The following RBMS3 variants were observed in gnomAD, a reference collection of about 807,000 sequenced individuals.
The protein encoded by RBMS3 is RNA binding motif single stranded interacting protein 3, also known as RNA-binding motif, single-stranded-interacting protein 3.
Under a neutral mutation model 66.8 loss-of-function variants are expected in RBMS3, and 27 were observed. The ratio of observed to expected loss-of-function variants is 0.40; its 90% CI spans 0.30 to 0.56. The LOEUF is 0.56. Among genes scored for constraint, RBMS3 ranks in the 20% least tolerant of loss-of-function variants. The probability of loss-of-function intolerance (pLI) is 0.40; values close to 1 mark genes in which losing one functional copy is unlikely to be tolerated. For synonymous variants in RBMS3, 188 were observed against 183.0 expected, an observed-to-expected ratio of 1.03 and a Z score of -0.22; for missense variants, 513 against 549.5, an observed-to-expected ratio of 0.93 and a Z score of 0.66.
At chr3:29,284,185 A>G (rs1249083600) in intron 1 of RBMS3, among the ~76,000 whole-genome samples, 1 of 152,178 alleles carries the variant, frequency 6.6e-6, no homozygotes. Context: ...TTATAATCCA[A>G]TTTGAAATTC....
intron 4 of RBMS3, among the ~76,000 whole-genome samples, chr3:29,610,245 A>ACC (rs1216369822): frequency 6.6e-6 from 1 of 152,070 alleles, no homozygotes; most frequent in Non-Finnish European, 1.5e-5. Context: ...AGATTAATGT[A>ACC]CAAACATCAG....
At chr3:29,611,935 G>A (rs187253434) in intron 4 of RBMS3, among the ~76,000 whole-genome samples, 1 of 151,988 alleles carries the variant, frequency 6.6e-6, no homozygotes, top group African/African-American at 2.4e-5. Flanking sequence ...TATATTAATG[G>A]TAGTACAGTA....
chr3:29,344,721 T>C (rs767662364), intron 1 of RBMS3, among the ~76,000 whole-genome samples: 3 of 152,158 alleles, frequency 2.0e-5, no homozygotes, highest in Non-Finnish European at 2.9e-5. Context: ...TAGTCACTGG[T>C]ATTTTTCTGG....
intron 4 of RBMS3, among the ~76,000 whole-genome samples, chr3:29,607,522 C>T (rs956298334): frequency 2.0e-5 from 3 of 151,940 alleles, no homozygotes; most frequent in Non-Finnish European, 4.4e-5. Context: ...AAAGGCCCCA[C>T]CACCCAATAT....
intron 10 of RBMS3, among the ~76,000 whole-genome samples, chr3:29,918,758 G>T (rs1398343374): frequency 1.3e-5 from 2 of 152,020 alleles, no homozygotes; most frequent in African/African-American, 4.8e-5. Flanking sequence ...ACGTAAGATA[G>T]TTTATTGTTG....
At chr3:29,680,242 T>G (rs2051430828) in intron 4 of RBMS3, among the ~76,000 whole-genome samples, 1 of 152,202 alleles carries the variant, frequency 6.6e-6, no homozygotes, top group Non-Finnish European at 1.5e-5. Context: ...AGTGATGTTC[T>G]AATCAAGCTC....
intron 4 of RBMS3, among the ~76,000 whole-genome samples, chr3:29,709,829 A>G (rs2053081158): frequency 6.6e-6 from 1 of 152,236 alleles, no homozygotes; most frequent in Non-Finnish European, 1.5e-5. Flanking sequence ...CCTCTAAGAA[A>G]GCTATAATTA....
At chr3:29,560,388 A>T (rs892633168) in intron 3 of RBMS3, among the ~76,000 whole-genome samples, 1 of 152,346 alleles carries the variant, frequency 6.6e-6, no homozygotes, top group African/African-American at 2.4e-5. Context: ...CAAATATTTT[A>T]AAAGTATGGA....
chr3:29,399,131 A>G (rs535047597), intron 1 of RBMS3, among the ~76,000 whole-genome samples: 21 of 152,082 alleles, frequency 1.4e-4, no homozygotes, highest in Admixed American at 9.8e-4. Context: ...TAAAAGTTTT[A>G]ACTTCCTTTC....
At chr3:29,590,576 CT>C (rs147926189) in intron 4 of RBMS3, among the ~76,000 whole-genome samples, 7 of 150,910 alleles carry the variant, frequency 4.6e-5, no homozygotes, top group African/African-American at 1.2e-4. Context: ...ATAAAAAATT[CT>C]TTTTTTTTCT....
At chr3:29,947,219 C>T (rs1329040133) in intron 12 of RBMS3, among the ~76,000 whole-genome samples, 3 of 151,206 alleles carry the variant, frequency 2.0e-5, no homozygotes, top group Non-Finnish European at 4.4e-5. Context: ...GAGCAGGTGG[C>T]CACAGTGGAC....
At chr3:29,379,751 T>C (rs912110580) in intron 1 of RBMS3, among the ~76,000 whole-genome samples, 7 of 152,182 alleles carry the variant, frequency 4.6e-5, no homozygotes, top group African/African-American at 1.7e-4. Context: ...TTGCTAAATA[T>C]ACTATATACC....
intron 4 of RBMS3, among the ~76,000 whole-genome samples, chr3:29,702,625 CA>C (rs1414895531): frequency 1.3e-5 from 2 of 152,148 alleles, no homozygotes; most frequent in South Asian, 2.1e-4. Context: ...CCAGCGAGAC[CA>C]CAAACCCACC....
chr3:29,288,208 C>A (rs940843232), intron 1 of RBMS3, among the ~76,000 whole-genome samples: 5 of 151,940 alleles, frequency 3.3e-5, no homozygotes, highest in African/African-American at 4.8e-5. Context: ...ATAGCTGAGC[C>A]TGCTTTAGTA....
intron 1 of RBMS3, among the ~76,000 whole-genome samples, chr3:29,284,924 A>C (rs1308872215): frequency 7.3e-6 from 1 of 136,830 alleles, no homozygotes; most frequent in African/African-American, 2.7e-5. Flanking sequence ...TACTTCGCTT[A>C]AGGAATAATG....
intron 1 of RBMS3, among the ~76,000 whole-genome samples, chr3:29,384,514 A>C (rs1255443580): frequency 6.6e-6 from 1 of 151,974 alleles, no homozygotes; most frequent in East Asian, 1.9e-4. Context: ...CATGATTTGA[A>C]AAAGAGTAGT....
At chr3:29,446,906 CTTTTTTTTTT>C (rs11293530) in intron 2 of RBMS3, among the ~76,000 whole-genome samples, 6 of 68,616 alleles carry the variant, frequency 8.7e-5, no homozygotes, top group South Asian at 8.0e-4. Flanking sequence ...ATTAAGCAGT[CTTTTTTTTTT>C]TTTTTTTTTT....
At chr3:29,395,536 T>C (rs1350204362) in intron 1 of RBMS3, among the ~76,000 whole-genome samples, 2 of 152,188 alleles carry the variant, frequency 1.3e-5, no homozygotes, top group Admixed American at 1.3e-4. Flanking sequence ...ATGATGCTTC[T>C]CCATCATTGT....
At chr3:29,326,733 C>CTTTTTTTTT in intron 1 of RBMS3, among the ~76,000 whole-genome samples, 1 of 133,796 alleles carries the variant, frequency 7.5e-6, no homozygotes, top group Non-Finnish European at 1.6e-5. Context: ...TACTGGCATC[C>CTTTTTTTTT]TTTTTTTTTT....
Sources: allele counts gnomAD v4.1 joint callset (sites outside exome capture counted in the v4.1 genomes callset), GRCh38; gene constraint gnomAD v4.1.1; transcripts MANE v1.5; gene names NCBI Gene and HGNC (gene_info 2026-07-23, HGNC 2026-07-21).